TJP1: variants seen among roughly 807,000 people sequenced by gnomAD.
The protein encoded by TJP1 is tight junction protein 1.
In TJP1, 43 loss-of-function variants were observed where a neutral mutation model predicts 194.2. The ratio of observed to expected loss-of-function variants is 0.22; its 90% CI spans 0.17 to 0.29. The LOEUF (loss-of-function observed/expected upper bound fraction) is 0.29. Ranked by LOEUF, TJP1 falls within the 10% of genes least tolerant of loss-of-function variation. The pLI, the probability that TJP1 is intolerant of heterozygous loss-of-function variation, is 1.00. For synonymous variants in TJP1, 801 were observed against 779.0 expected, an observed-to-expected ratio of 1.03 and a Z score of -0.47; for missense variants, 1,971 against 2,185.7, an observed-to-expected ratio of 0.90 and a Z score of 1.96.
chr15:29,871,436 G>A (rs937027957), intron 2 of TJP1, among the ~76,000 whole-genome samples: 4 of 152,192 alleles, frequency 2.6e-5, no homozygotes, highest in South Asian at 2.1e-4. Context: ...TGATTTGCCC[G>A]TGTAGCCCCC....
intron 2 of TJP1, among the ~76,000 whole-genome samples, chr15:29,777,218 C>G (rs972709457): frequency 2.0e-5 from 3 of 152,132 alleles, no homozygotes; most frequent in African/African-American, 7.2e-5. Context: ...TGAAATTGTT[C>G]TTTTAATCTA....
At chr15:29,879,048 T>C (rs1422646317) in intron 2 of TJP1, among the ~76,000 whole-genome samples, 2 of 152,032 alleles carry the variant, frequency 1.3e-5, no homozygotes, top group Non-Finnish European at 2.9e-5. Context: ...CGCTTGAACC[T>C]GGGAGGCAGA....
chr15:29,858,615 C>T (rs1212289471), intron 2 of TJP1, among the ~76,000 whole-genome samples: 1 of 151,992 alleles, frequency 6.6e-6, no homozygotes, highest in Non-Finnish European at 1.5e-5. Flanking sequence ...ACAATCACAG[C>T]TCACTGCAGC....
intron 2 of TJP1, among the ~76,000 whole-genome samples, chr15:29,868,206 T>A (rs906214876): frequency 3.3e-5 from 5 of 152,084 alleles, no homozygotes; most frequent in Admixed American, 3.3e-4. Flanking sequence ...GGTGACAGAG[T>A]GAGACCCTCT....
intron 2 of TJP1, among the ~76,000 whole-genome samples, chr15:29,874,187 G>C (rs2052620242): frequency 6.6e-6 from 1 of 152,112 alleles, no homozygotes. Context: ...AATAACATGA[G>C]GGCTGTTCTA....
At chr15:29,891,470 A>C (rs1382130321) in intron 2 of TJP1, among the ~76,000 whole-genome samples, 1 of 152,204 alleles carries the variant, frequency 6.6e-6, no homozygotes, top group Non-Finnish European at 1.5e-5. Context: ...GGCAACCCTC[A>C]TCTTATTGTG....
intron 2 of TJP1, among the ~76,000 whole-genome samples, chr15:29,953,646 C>T (rs1358068271): frequency 2.0e-5 from 3 of 152,014 alleles, no homozygotes; most frequent in Non-Finnish European, 2.9e-5. Flanking sequence ...AAAAATGAAA[C>T]ATGCGCATTG....
chr15:29,728,787 G>A (rs1011740231), intron 15 of TJP1: 1 of 152,218 alleles, frequency 6.6e-6, no homozygotes, highest in South Asian at 2.1e-4. Flanking sequence ...TGAGGTTCAA[G>A]ATAAATGATT....
At chr15:29,950,161 C>A (rs1483519028) in intron 2 of TJP1, among the ~76,000 whole-genome samples, 4 of 117,524 alleles carry the variant, frequency 3.4e-5, no homozygotes, top group Non-Finnish European at 5.5e-5. Flanking sequence ...CCTCCACCAC[C>A]ACCACAACCA....
chr15:29,724,586 G>A (rs2043131095), intron 18 of TJP1, among the ~76,000 whole-genome samples: 1 of 152,166 alleles, frequency 6.6e-6, no homozygotes, highest in Non-Finnish European at 1.5e-5. Context: ...GACTTTTCCT[G>A]GTTTAGCAGG....
chr15:29,821,952 G>A, intron 1 of TJP1, 50 bp downstream of exon 1: 1 of 1,217,962 alleles, frequency 8.2e-7, no homozygotes, highest in African/African-American at 1.6e-5. Context: ...CCGGTGGGCG[G>A]GCGGCGACGG....
At chr15:29,906,235 G>C (rs960687631) in intron 2 of TJP1, among the ~76,000 whole-genome samples, 6 of 152,074 alleles carry the variant, frequency 3.9e-5, no homozygotes, top group African/African-American at 1.4e-4. Context: ...CACTTTGGGA[G>C]GCCGAGGTGG....
At chr15:29,765,336 G>GTT (rs2046266572) in intron 5 of TJP1, among the ~76,000 whole-genome samples, 1 of 152,162 alleles carries the variant, frequency 6.6e-6, no homozygotes, top group Non-Finnish European at 1.5e-5. Flanking sequence ...GATATGCCAA[G>GTT]TGGTAAAGCA....
At chr15:29,746,357 GA>G (rs2044778067) in intron 8 of TJP1, among the ~76,000 whole-genome samples, 1 of 150,586 alleles carries the variant, frequency 6.6e-6, no homozygotes, top group Non-Finnish European at 1.5e-5. Context: ...CAGCCTGGAC[GA>G]CAGAGTGAGA....
chr15:29,817,596 T>C lies in TJP1; in HGVS notation c.27+4406A>G, dbSNP rs77386545. ...TGGAACCAACCCAAATGCCCACCAA[T>C]GACAGATTGGATAAAGAAAATGTGG... On this transcript the variant is annotated intron_variant, in intron 1 of 27. Transcript: ENST00000614355. 1.0e-3 allele frequency among the ~76,000 whole-genome samples: 156 copies of C among 152,244 alleles called. 6 individuals are homozygous for C. In the East Asian group the frequency reaches 0.024, roughly 24 times the overall value.
intron 9 of TJP1, 92 bp from the exon 10 acceptor site, chr15:29,741,528 G>A: frequency 1.3e-6 from 1 of 796,212 alleles, no homozygotes; most frequent in Middle Eastern, 2.3e-4. Context: ...TAAGTTCAGA[G>A]AACCTGATGA....
chr15:29,738,983 A>G (rs1208271426), intron 10 of TJP1, among the ~76,000 whole-genome samples: 1 of 151,028 alleles, frequency 6.6e-6, no homozygotes, highest in Non-Finnish European at 1.5e-5. Flanking sequence ...GTTTGAGGTT[A>G]TGGTGAGCAA....
intron 2 of TJP1, among the ~76,000 whole-genome samples, chr15:29,795,959 A>C (rs2048374361): frequency 6.6e-6 from 1 of 152,148 alleles, no homozygotes; most frequent in Non-Finnish European, 1.5e-5. Context: ...TTCATTCATG[A>C]TTAAAAACAA....
chr15:29,865,254 G>A (rs547376360), intron 2 of TJP1, among the ~76,000 whole-genome samples: 1 of 152,294 alleles, frequency 6.6e-6, no homozygotes, highest in South Asian at 2.1e-4. Flanking sequence ...AGTAGCAAAT[G>A]CCACGAAGAT....
Sources: allele counts gnomAD v4.1 joint callset (sites outside exome capture counted in the v4.1 genomes callset), GRCh38; gene constraint gnomAD v4.1.1; transcripts MANE v1.5; gene names NCBI Gene and HGNC (gene_info 2026-07-23, HGNC 2026-07-21).